THSD7A: variants seen among roughly 807,000 people sequenced by gnomAD.
THSD7A encodes the protein thrombospondin type 1 domain containing 7A, also known as thrombospondin type-1 domain-containing protein 7A.
THSD7A carries 96 observed loss-of-function variants against 231.3 expected under a neutral mutation model. The ratio of observed to expected loss-of-function variants is 0.41; its 90% CI spans 0.35 to 0.49. The LOEUF is 0.49. THSD7A is among the 20% of genes least tolerant of loss of function. The pLI is 0.05. For missense variants in THSD7A, 2,290 were observed against 2,070.2 expected, an observed-to-expected ratio of 1.11 and a Z score of -2.06; for synonymous variants, 940 against 743.3, an observed-to-expected ratio of 1.26 and a Z score of -4.30.
intron 2 of THSD7A, among the ~76,000 whole-genome samples, chr7:11,601,722 G>A (rs1780561327): frequency 6.6e-6 from 1 of 152,158 alleles, no homozygotes; most frequent in Admixed American, 6.5e-5. Context: ...TGATGACGGT[G>A]TGACTTATGG....
At chr7:11,574,065 C>T (rs75) in intron 4 of THSD7A, among the ~76,000 whole-genome samples, 22,873 of 152,034 alleles carry the variant, frequency 0.15, 1,982 homozygotes, top group Admixed American at 0.25. Context: ...AGAGACGTCA[C>T]GTAGAAAGAT....
intron 1 of THSD7A, among the ~76,000 whole-genome samples, chr7:11,748,623 A>T (rs1197285803): frequency 4.6e-5 from 7 of 152,014 alleles, no homozygotes; most frequent in Non-Finnish European, 1.0e-4. Context: ...GGTGTACAAG[A>T]TTATTAAAGC....
At chr7:11,452,369 G>A (rs1183368830) in intron 11 of THSD7A, among the ~76,000 whole-genome samples, 2 of 151,930 alleles carry the variant, frequency 1.3e-5, no homozygotes, top group Non-Finnish European at 2.9e-5. Context: ...AATGATCCTG[G>A]TCTTTCTCTG....
chr7:11,386,962 T>A (rs568156577), intron 23 of THSD7A, among the ~76,000 whole-genome samples: 2 of 152,254 alleles, frequency 1.3e-5, no homozygotes, highest in Admixed American at 1.3e-4. Flanking sequence ...ATTTATTAAA[T>A]AGGGAATCCT....
chr7:11,659,977 C>A (rs920549904), intron 1 of THSD7A, among the ~76,000 whole-genome samples: 3 of 151,406 alleles, frequency 2.0e-5, no homozygotes, highest in African/African-American at 7.3e-5. Flanking sequence ...GATTAAGAAT[C>A]TATATTTCTT....
rs1782109920 is a variant in THSD7A at position 11,372,849 on chromosome 7, C to T, written c.*2945G>A. The T allele has an allele frequency of 6.6e-6, 1 of 151,954 alleles. No individual in the cohort carries two copies. Among genetic ancestry groups the T allele is most frequent in the South Asian group, 2.1e-4 (1 of 4,814 alleles). The allele number at this position is 151,954 out of a possible 1,614,324, so 9.4% of individuals were successfully genotyped here. ...TATTTAACTCATTATTGTCTCATGT[C>T]AGAAACAAAAATAAGGCCATTTTCA... On this transcript the variant is annotated 3_prime_UTR_variant, in exon 28 of 28. Transcript: ENST00000423059.
chr7:11,437,856 G>C (rs1583740498), intron 13 of THSD7A, among the ~76,000 whole-genome samples: 1 of 152,156 alleles, frequency 6.6e-6, no homozygotes, highest in South Asian at 2.1e-4. Context: ...CTTTATGGTT[G>C]AGTGGTCAGG....
At chr7:11,443,530 T>C (rs1197112188) in intron 13 of THSD7A, among the ~76,000 whole-genome samples, 1 of 152,078 alleles carries the variant, frequency 6.6e-6, no homozygotes, top group Non-Finnish European at 1.5e-5. Flanking sequence ...AACTCAGCAA[T>C]GCATGTATAT....
At chr7:11,518,691 A>T (rs1416075053) in intron 6 of THSD7A, among the ~76,000 whole-genome samples, 1 of 152,154 alleles carries the variant, frequency 6.6e-6, no homozygotes, top group Non-Finnish European at 1.5e-5. Flanking sequence ...TTTGCTATGC[A>T]TGTGCTATGT....
At chr7:11,512,734 C>T (rs543838038) in intron 6 of THSD7A, among the ~76,000 whole-genome samples, 7 of 132,138 alleles carry the variant, frequency 5.3e-5, no homozygotes, top group African/African-American at 2.1e-4. Context: ...ACAATGAGAA[C>T]ACTTGGTCAC....
At chr7:11,830,955 A>G (rs1408193043) in intron 1 of THSD7A, among the ~76,000 whole-genome samples, 3 of 152,130 alleles carry the variant, frequency 2.0e-5, no homozygotes, top group Non-Finnish European at 4.4e-5. Context: ...GGAATTCTCA[A>G]TGTTTTTTTA....
intron 6 of THSD7A, among the ~76,000 whole-genome samples, chr7:11,517,194 T>C (rs990296744): frequency 3.9e-5 from 6 of 152,160 alleles, no homozygotes; most frequent in Non-Finnish European, 7.3e-5. Context: ...TTCTCCTGCC[T>C]CAGCCTCCAG....
At chr7:11,473,673 G>A (rs1480214059) in intron 8 of THSD7A, among the ~76,000 whole-genome samples, 3 of 151,942 alleles carry the variant, frequency 2.0e-5, no homozygotes, top group East Asian at 1.9e-4. Context: ...TTCTCACAAG[G>A]CACATATAAT....
intron 4 of THSD7A, among the ~76,000 whole-genome samples, chr7:11,561,294 T>C (rs1583976884): frequency 6.6e-6 from 1 of 152,312 alleles, no homozygotes; most frequent in South Asian, 2.1e-4. Context: ...TAATGTCATG[T>C]AGTAACATAA....
intron 4 of THSD7A, among the ~76,000 whole-genome samples, chr7:11,569,978 C>A (rs1790550771): frequency 6.6e-6 from 1 of 151,954 alleles, no homozygotes; most frequent in African/African-American, 2.4e-5. Flanking sequence ...TGGAGACCAG[C>A]CTGGGAAACA....
intron 1 of THSD7A, among the ~76,000 whole-genome samples, chr7:11,669,057 T>A (rs559458261): frequency 3.9e-5 from 6 of 152,290 alleles, no homozygotes; most frequent in Non-Finnish European, 7.4e-5. Context: ...ATTTATTACT[T>A]AGTATTTCTA....
At chr7:11,571,965 T>A (rs944484090) in intron 4 of THSD7A, among the ~76,000 whole-genome samples, 1 of 152,184 alleles carries the variant, frequency 6.6e-6, no homozygotes, top group African/African-American at 2.4e-5. Flanking sequence ...TTGAGATTTT[T>A]TTTTTGGCCA....
intron 1 of THSD7A, among the ~76,000 whole-genome samples, chr7:11,759,619 C>T (rs761581458): frequency 3.3e-5 from 5 of 151,812 alleles, no homozygotes; most frequent in Non-Finnish European, 5.9e-5. Flanking sequence ...GAAAGCCAAG[C>T]GAATTTCTAG....
At chr7:11,535,760 T>C (rs1214760811) in intron 6 of THSD7A, among the ~76,000 whole-genome samples, 3 of 152,126 alleles carry the variant, frequency 2.0e-5, no homozygotes, top group Non-Finnish European at 4.4e-5. Flanking sequence ...TAGATTCCAG[T>C]TCCAAAGAAT....
Sources: allele counts gnomAD v4.1 joint callset (sites outside exome capture counted in the v4.1 genomes callset), GRCh38; gene constraint gnomAD v4.1.1; transcripts MANE v1.5; gene names NCBI Gene and HGNC (gene_info 2026-07-23, HGNC 2026-07-21).